Variants in DCAF6 observed in about 807,000 individuals in gnomAD.
The protein encoded by DCAF6 is DDB1 and CUL4 associated factor 6, also known as DDB1- and CUL4-associated factor 6.
DCAF6 carries 54 observed loss-of-function variants against 125.1 expected under a neutral mutation model. That is an observed-to-expected ratio of 0.43 (90% confidence interval 0.35 to 0.54). DCAF6 has a LOEUF of 0.54. DCAF6 is among the 20% of genes least tolerant of loss of function. The pLI, the probability that DCAF6 is intolerant of heterozygous loss-of-function variation, is 0.01. For synonymous variants in DCAF6, 371 were observed against 390.4 expected, an observed-to-expected ratio of 0.95 and a Z score of 0.58; for missense variants, 934 against 1,161.7, an observed-to-expected ratio of 0.80 and a Z score of 2.85.
the DCAF6 span, among the ~76,000 whole-genome samples, chr1:167,886,246 C>G: frequency 6.6e-6 from 1 of 152,102 alleles, no homozygotes; most frequent in Non-Finnish European, 1.5e-5. Flanking sequence ...TCAAGATAAT[C>G]CTAAGCAAAA....
intron 1 of DCAF6, among the ~76,000 whole-genome samples, chr1:167,941,204 G>A (rs1316382413): frequency 6.6e-6 from 1 of 152,148 alleles, no homozygotes; most frequent in South Asian, 2.1e-4. Context: ...GCTGAAAAAT[G>A]TATGATTTTA....
the DCAF6 span, among the ~76,000 whole-genome samples, chr1:167,900,076 C>T: frequency 6.6e-6 from 1 of 152,200 alleles, no homozygotes; most frequent in African/African-American, 2.4e-5. Flanking sequence ...TTGACAGTTA[C>T]ACATCCCATC....
At chr1:167,899,305 C>T in the DCAF6 span, 1 of 1,011,540 alleles carries the variant, frequency 9.9e-7, no homozygotes, top group Non-Finnish European at 1.5e-6. Context: ...CCAGACTGAC[C>T]CCATCCCAAT....
rs186608055 is a variant in DCAF6 at position 167,996,630 on chromosome 1, C to T, written c.903+3190C>T. On this transcript the variant is annotated intron_variant, in intron 7 of 21. Transcript: ENST00000367840. ...ATCAACATTCTAAGTGGCTCCCTGT[C>T]GGACCTAAAGCAAAACTGAAGTCCT... Among the ~76,000 whole-genome samples, 7 of 152,308 alleles carry T rather than the reference C, an allele frequency of 4.6e-5. No homozygotes were observed. In the East Asian group the frequency reaches 5.8e-4, roughly 13 times the overall value.
the DCAF6 span, among the ~76,000 whole-genome samples, chr1:167,910,755 T>C: frequency 6.6e-6 from 1 of 152,276 alleles, no homozygotes; most frequent in East Asian, 1.9e-4. Context: ...AGAACTAAGA[T>C]AGGACTGAGC....
At chr1:167,890,561 C>T in the DCAF6 span, among the ~76,000 whole-genome samples, 1 of 152,100 alleles carries the variant, frequency 6.6e-6, no homozygotes, top group Admixed American at 6.6e-5. Context: ...TACTACCAGG[C>T]TACCACCTAT....
At chr1:168,002,805 G>A (rs1682824792) in intron 8 of DCAF6, among the ~76,000 whole-genome samples, 1 of 152,216 alleles carries the variant, frequency 6.6e-6, no homozygotes, top group East Asian at 1.9e-4. Flanking sequence ...CAAAAAAGAT[G>A]TGCTAATTTA....
intron 21 of DCAF6, among the ~76,000 whole-genome samples, chr1:168,075,124 G>T (rs999806429): frequency 6.6e-6 from 1 of 152,154 alleles, no homozygotes; most frequent in Non-Finnish European, 1.5e-5. Flanking sequence ...AACCACTGCA[G>T]TAGAACATAA....
chr1:168,050,401 A>G (rs560745858), intron 16 of DCAF6, among the ~76,000 whole-genome samples: 17 of 152,284 alleles, frequency 1.1e-4, no homozygotes, highest in African/African-American at 4.1e-4. Flanking sequence ...TTGCAGAGAG[A>G]AAAGATGTAC....
chr1:167,985,280 TTACTGTTCTGGAAG>T (rs1421194491), intron 4 of DCAF6, among the ~76,000 whole-genome samples: 1 of 152,100 alleles, frequency 6.6e-6, no homozygotes, highest in East Asian at 1.9e-4. Flanking sequence ...ATTTATTATC[TTACTGTTCTGGAAG>T]TCAGAAGTCT....
the DCAF6 span, among the ~76,000 whole-genome samples, chr1:167,867,490 T>TTA: frequency 1.3e-5 from 2 of 152,212 alleles, no homozygotes; most frequent in African/African-American, 4.8e-5. Flanking sequence ...TTCATGGTTA[T>TTA]TATAAGTGTA....
chr1:168,045,308 C>A, intron 16 of DCAF6, 81 bp downstream of exon 16: 1 of 1,282,506 alleles, frequency 7.8e-7, no homozygotes, highest in Non-Finnish European at 1.1e-6. Flanking sequence ...GGGAATCTCT[C>A]CATTTTTGAC....
Position 168,022,004 on chromosome 1 carries a change from A to G in DCAF6, c.1550-984A>G, listed in dbSNP as rs566685928. Among the ~76,000 whole-genome samples, 6 of 152,142 alleles carry G rather than the reference A, an allele frequency of 3.9e-5. No individual in the cohort carries two copies. The South Asian group carries it at 1.2e-3, about 32-fold the overall frequency. On this transcript the variant is annotated intron_variant, in intron 11 of 21. Coordinates refer to ENST00000367840, the MANE Select transcript of DCAF6 (RefSeq NM_001198956.2). ...TTGGGGAGAGTTGCGCTTATTACCT[A>G]TGTTTCTCTTTTACTGTAGCCCTAC...
intron 11 of DCAF6, among the ~76,000 whole-genome samples, chr1:168,022,370 C>T (rs1685771519): frequency 1.3e-5 from 2 of 152,162 alleles, no homozygotes; most frequent in South Asian, 4.1e-4. Context: ...CTTTCCCTAC[C>T]AGGTAACGCT....
rs758545042 is a variant in DCAF6 at position 167,936,999 on chromosome 1, C to G, written c.88C>G (p.Arg30Gly). Residue 30 changes from arginine to glycine, a missense_variant, in exon 1 of 22, where the codon CGC (arginine) becomes GGC (glycine). Physicochemically the swap from Arg to Gly is moderately radical, Grantham distance 125. Transcript: ENST00000367840. ...GGAGGACCCGTCCCGGCTGCGGAGT[C>G]GCTACCTGGGTGAGCGGGGGCCCCG... ...GLEDPSRLRS[R>G]YLGRREFIQR... The G allele has an allele frequency of 1.2e-6, 2 of 1,609,368 alleles. No individual in the cohort carries two copies. The highest frequency in any genetic ancestry group is 1.7e-5 in the Admixed American group (1 of 59,524).
intron 17 of DCAF6, among the ~76,000 whole-genome samples, chr1:168,056,612 G>C (rs1047590289): frequency 1.3e-5 from 2 of 152,244 alleles, no homozygotes; most frequent in South Asian, 4.1e-4. Flanking sequence ...ACTCTACAAT[G>C]TGGTCACAAA....
chr1:168,047,751 A>G (rs1689318035), intron 16 of DCAF6, among the ~76,000 whole-genome samples: 1 of 152,062 alleles, frequency 6.6e-6, no homozygotes, highest in South Asian at 2.1e-4. Flanking sequence ...TGAGGTAATT[A>G]GAAAGTGATT....
chr1:168,007,960 ATCTT>A (rs1683574701), intron 10 of DCAF6, among the ~76,000 whole-genome samples: 1 of 76,908 alleles, frequency 1.3e-5, no homozygotes, highest in Non-Finnish European at 2.6e-5. Context: ...ATTGTTGTAC[ATCTT>A]TTTTTTTTTT....
intron 1 of DCAF6, among the ~76,000 whole-genome samples, chr1:167,938,062 T>C (rs1353470741): frequency 6.6e-6 from 1 of 152,238 alleles, no homozygotes; most frequent in Non-Finnish European, 1.5e-5. Context: ...TTTTTAATTC[T>C]TTTTAGTGTC....
Sources: gnomAD v4.1 joint callset for allele counts (sites outside exome capture counted in the v4.1 genomes callset) on GRCh38, gnomAD v4.1.1 for gene constraint, MANE v1.5 for transcripts, NCBI Gene and HGNC (gene_info 2026-07-23, HGNC 2026-07-21) for gene names.